Variants in RYR3 observed in about 807,000 individuals in gnomAD.
RYR3 encodes the protein ryanodine receptor 3, also known as brain ryanodine receptor-calcium release channel.
Under a neutral mutation model 584.3 loss-of-function variants are expected in RYR3, and 207 were observed. The ratio of observed to expected loss-of-function variants is 0.35; its 90% CI spans 0.32 to 0.40. The LOEUF is 0.40. Among genes scored for constraint, RYR3 ranks in the 10% least tolerant of loss-of-function variants. The probability of loss-of-function intolerance (pLI) is 1.00; values close to 1 mark genes in which losing one functional copy is unlikely to be tolerated. For synonymous variants in RYR3, 2,416 were observed against 2,248.5 expected, an observed-to-expected ratio of 1.07 and a Z score of -2.11; for missense variants, 5,616 against 6,089.2, an observed-to-expected ratio of 0.92 and a Z score of 2.59.
chr15:33,393,591 G>A (rs148617307), intron 1 of RYR3, among the ~76,000 whole-genome samples: 2 of 152,306 alleles, frequency 1.3e-5, no homozygotes, highest in African/African-American at 4.8e-5. Flanking sequence ...AGCCCATTAT[G>A]GTTGAGAAGG....
intron 17 of RYR3, among the ~76,000 whole-genome samples, chr15:33,602,069 G>C (rs1483085160): frequency 6.6e-6 from 1 of 152,220 alleles, no homozygotes; most frequent in African/African-American, 2.4e-5. Flanking sequence ...CTGCACGTGA[G>C]TCATGTGAAC....
intron 3 of RYR3, among the ~76,000 whole-genome samples, chr15:33,521,717 C>G (rs1157724990): frequency 6.6e-6 from 1 of 152,156 alleles, no homozygotes; most frequent in African/African-American, 2.4e-5. Flanking sequence ...GTCAAGGTCA[C>G]TCTACAAGAG....
chr15:33,849,702 C>T (rs914161245), intron 94 of RYR3: 1 of 152,182 alleles, frequency 6.6e-6, no homozygotes, highest in Non-Finnish European at 1.5e-5. Context: ...TTAAGATAGG[C>T]ATGTTAAGAA....
At chr15:33,672,200 G>A (rs1239516291) in intron 38 of RYR3, among the ~76,000 whole-genome samples, 19 of 149,040 alleles carry the variant, frequency 1.3e-4, no homozygotes, top group Admixed American at 1.3e-3. Flanking sequence ...TGAGGTAAAT[G>A]GAGTCAGTCA....
At chr15:33,562,715 C>A in intron 10 of RYR3, 122 bp from the exon 11 acceptor site, 1 of 665,210 alleles carries the variant, frequency 1.5e-6, no homozygotes, top group South Asian at 1.9e-5. Context: ...ACAGGCACAT[C>A]ATGATTATTT....
At chr15:33,757,681 T>C in intron 60 of RYR3, 85 bp downstream of exon 60, 1 of 1,441,924 alleles carries the variant, frequency 6.9e-7, no homozygotes, top group Non-Finnish European at 9.5e-7. Context: ...AAGGCGAGTC[T>C]TTTGGAGAAA....
intron 11 of RYR3, among the ~76,000 whole-genome samples, chr15:33,563,221 T>C (rs1365777446): frequency 6.6e-6 from 1 of 152,186 alleles, no homozygotes; most frequent in Non-Finnish European, 1.5e-5. Context: ...AAAAAACAAA[T>C]ACACAGCAAA....
intron 19 of RYR3, among the ~76,000 whole-genome samples, chr15:33,617,731 T>G (rs577518332): frequency 6.6e-6 from 1 of 151,300 alleles, no homozygotes; most frequent in African/African-American, 2.4e-5. Context: ...TTGTTAATAA[T>G]ACCTGATTAG....
chr15:33,811,996 G>GA (rs559544613), intron 72 of RYR3, among the ~76,000 whole-genome samples: 42 of 150,986 alleles, frequency 2.8e-4, no homozygotes, highest in Non-Finnish European at 4.1e-4. Context: ...AATATACTAG[G>GA]AAAAAAAAGG....
chr15:33,826,296 C>T, intron 83 of RYR3, 27 bp downstream of exon 83: 2 of 1,611,554 alleles, frequency 1.2e-6, no homozygotes, highest in East Asian at 2.2e-5. Flanking sequence ...GGCCTGAGTT[C>T]CTACCGTGTG....
chr15:33,513,851 G>A (rs1038694474), intron 3 of RYR3, among the ~76,000 whole-genome samples: 8 of 152,170 alleles, frequency 5.3e-5, no homozygotes, highest in Admixed American at 2.6e-4. Context: ...GTGTCTACCC[G>A]TGATGAAGGA....
chr15:33,859,246 T>C (rs1290448933), intron 99 of RYR3, among the ~76,000 whole-genome samples: 1 of 152,224 alleles, frequency 6.6e-6, no homozygotes, highest in Non-Finnish European at 1.5e-5. Flanking sequence ...CTAACACTCT[T>C]AAAATTAAAT....
intron 38 of RYR3, among the ~76,000 whole-genome samples, chr15:33,690,994 A>AT (rs2065385845): frequency 6.6e-6 from 1 of 152,204 alleles, no homozygotes; most frequent in Non-Finnish European, 1.5e-5. Flanking sequence ...CTGGATTCTT[A>AT]TATCTGGTTA....
intron 38 of RYR3, among the ~76,000 whole-genome samples, chr15:33,691,596 A>G (rs913269018): frequency 2.0e-5 from 3 of 152,176 alleles, no homozygotes; most frequent in Admixed American, 2.0e-4. Context: ...TCATGAAATA[A>G]GCAGCTAGTT....
chr15:33,407,100 G>A (rs2043077224), intron 1 of RYR3, among the ~76,000 whole-genome samples: 1 of 152,198 alleles, frequency 6.6e-6, no homozygotes, highest in African/African-American at 2.4e-5. Flanking sequence ...CGTGGTGGAA[G>A]GGACAGAAGG....
At chr15:33,395,595 C>T (rs923418255) in intron 1 of RYR3, among the ~76,000 whole-genome samples, 18 of 152,188 alleles carry the variant, frequency 1.2e-4, no homozygotes, top group African/African-American at 3.6e-4. Context: ...ACAGCCTTCC[C>T]GTGACACAGG....
intron 67 of RYR3, among the ~76,000 whole-genome samples, chr15:33,792,360 C>T (rs116417907): frequency 0.015 from 2,346 of 152,236 alleles, 63 homozygotes; most frequent in African/African-American, 0.054. Context: ...TCTCCCCCAA[C>T]CCGAGTCCTT....
At chr15:33,317,419 ACACTGGGTCCTCCAGGC>A (rs1017041737) in intron 1 of RYR3, among the ~76,000 whole-genome samples, 5 of 152,182 alleles carry the variant, frequency 3.3e-5, no homozygotes, top group African/African-American at 1.2e-4. Context: ...TTGGGGAGCC[ACACTGGGTCCTCCAGGC>A]CCCAGGCTGG....
chr15:33,852,908 C>G, intron 94 of RYR3, 137 bp from the exon 95 acceptor site: 1 of 723,216 alleles, frequency 1.4e-6, no homozygotes, highest in Non-Finnish European at 2.4e-6. Flanking sequence ...GAACTTCAAT[C>G]AGATCTTAAA....
Sources: allele counts gnomAD v4.1 joint callset (sites outside exome capture counted in the v4.1 genomes callset), GRCh38; gene constraint gnomAD v4.1.1; transcripts MANE v1.5; gene names NCBI Gene and HGNC (gene_info 2026-07-23, HGNC 2026-07-21).